The following TAS2R1 variants were observed in gnomAD, a reference collection of about 807,000 sequenced individuals.
TAS2R1 encodes taste receptor type 2 member 1.
For synonymous variants in TAS2R1, 141 were observed against 134.2 expected (o/e 1.05, Z -0.35); for missense variants, 370 against 353.4 (o/e 1.05, Z -0.38).
At chr5:9,860,160 A>T in the TAS2R1 span, among the ~76,000 whole-genome samples, 1 of 152,318 alleles carries the variant, frequency 6.6e-6, no homozygotes, top group East Asian at 1.9e-4. Context: ...AGAGACCATG[A>T]TCCAGTGGGC....
At chr5:9,903,416 G>A in the TAS2R1 span, 2 of 152,006 alleles carry the variant, frequency 1.3e-5, no homozygotes, top group East Asian at 1.9e-4. Flanking sequence ...AGATTCTGGT[G>A]CAGCCATCAC....
chr5:9,843,663 A>G, the TAS2R1 span, among the ~76,000 whole-genome samples: 6 of 152,350 alleles, frequency 3.9e-5, no homozygotes, highest in South Asian at 1.2e-3. Flanking sequence ...TTTTCAGGCT[A>G]TAGACTTAAT....
intron 1 of TAS2R1, among the ~76,000 whole-genome samples, chr5:9,667,843 G>A (rs935800646): frequency 1.4e-4 from 22 of 152,246 alleles, no homozygotes; most frequent in African/African-American, 5.1e-4. Context: ...ACCAATGCAA[G>A]AATTATGGCA....
At chr5:9,888,880 T>A in the TAS2R1 span, among the ~76,000 whole-genome samples, 1 of 152,080 alleles carries the variant, frequency 6.6e-6, no homozygotes, top group Non-Finnish European at 1.5e-5. Context: ...ACAGATGGCA[T>A]CTTCCAGGAA....
At position 9,666,047 on chromosome 5, in the gene TAS2R1, A is replaced by G. The variant is rs1425389090; in HGVS notation, c.-241-6466T>C. ...CTAATCAATCAGGGAGTTGAACTGG[A>G]TTCAGGAAAGTTATATAACAAGAAC... On this transcript the variant is annotated intron_variant, in intron 1 of 2. Coordinates refer to the TAS2R1 transcript ENST00000506620. Among the ~76,000 whole-genome samples, 11 of 152,316 alleles carry G rather than the reference A, an allele frequency of 7.2e-5. No individual in the cohort carries two copies. In the South Asian group the frequency reaches 2.3e-3, roughly 32 times the overall value.
chr5:9,834,514 G>A, the TAS2R1 span, among the ~76,000 whole-genome samples: 79 of 152,192 alleles, frequency 5.2e-4, no homozygotes, highest in African/African-American at 1.7e-3. Context: ...AGTTATTTAC[G>A]CTAATGTGTT....
chr5:9,877,527 A>G, the TAS2R1 span, among the ~76,000 whole-genome samples: 1 of 152,228 alleles, frequency 6.6e-6, no homozygotes, highest in East Asian at 1.9e-4. Context: ...ACACACATGC[A>G]GTCTCCCAAT....
the TAS2R1 span, among the ~76,000 whole-genome samples, chr5:9,728,888 G>A: frequency 2.6e-5 from 4 of 152,264 alleles, no homozygotes; most frequent in African/African-American, 7.2e-5. Flanking sequence ...GAGGCCCGGC[G>A]CAGTTAGGAT....
the TAS2R1 span, among the ~76,000 whole-genome samples, chr5:9,814,136 T>C: frequency 2.0e-5 from 3 of 152,226 alleles, no homozygotes; most frequent in Non-Finnish European, 4.4e-5. Context: ...GCTCTGTCTT[T>C]TGCTGAGGTA....
At chr5:9,793,144 G>T in the TAS2R1 span, among the ~76,000 whole-genome samples, 5 of 152,096 alleles carry the variant, frequency 3.3e-5, no homozygotes, top group African/African-American at 1.2e-4. Context: ...TAAAATGGCA[G>T]GACTGGAAAA....
intron 1 of TAS2R1, among the ~76,000 whole-genome samples, chr5:9,707,828 T>C (rs1416608339): frequency 6.6e-6 from 1 of 152,134 alleles, no homozygotes; most frequent in Non-Finnish European, 1.5e-5. Flanking sequence ...GGCTAACTAC[T>C]GTGCAGGAGC....
At chr5:9,811,700 C>T in the TAS2R1 span, among the ~76,000 whole-genome samples, 4 of 152,154 alleles carry the variant, frequency 2.6e-5, no homozygotes, top group Admixed American at 2.6e-4. Flanking sequence ...ATTCTGATCA[C>T]TCCAAATTGA....
chr5:9,887,678 G>T, the TAS2R1 span, among the ~76,000 whole-genome samples: 19 of 152,268 alleles, frequency 1.2e-4, no homozygotes, highest in South Asian at 3.3e-3. Flanking sequence ...TTGTTACCAG[G>T]CTGCCACTAA....
At chr5:9,741,913 T>C in the TAS2R1 span, among the ~76,000 whole-genome samples, 1 of 152,100 alleles carries the variant, frequency 6.6e-6, no homozygotes, top group Non-Finnish European at 1.5e-5. Flanking sequence ...TTTTAATACA[T>C]AGATGGAGTT....
At chr5:9,689,576 G>T (rs1741194772) in intron 1 of TAS2R1, among the ~76,000 whole-genome samples, 3 of 151,754 alleles carry the variant, frequency 2.0e-5, no homozygotes, top group Non-Finnish European at 2.9e-5. Flanking sequence ...CATTATTTTT[G>T]CTCCTTGGAC....
At chr5:9,769,861 G>C in the TAS2R1 span, among the ~76,000 whole-genome samples, 73 of 151,790 alleles carry the variant, frequency 4.8e-4, no homozygotes, top group Non-Finnish European at 7.9e-4. Flanking sequence ...CCATTCTATG[G>C]ATTATCTCTT....
At chr5:9,733,554 A>G in the TAS2R1 span, among the ~76,000 whole-genome samples, 1 of 152,234 alleles carries the variant, frequency 6.6e-6, no homozygotes, top group Non-Finnish European at 1.5e-5. Context: ...AAGAGGTATC[A>G]CTGGGGAAAA....
At chr5:9,719,241 T>A in the TAS2R1 span, among the ~76,000 whole-genome samples, 4 of 151,928 alleles carry the variant, frequency 2.6e-5, no homozygotes, top group East Asian at 5.8e-4. Flanking sequence ...AAATTGTGTA[T>A]GTGTGTGTGT....
chr5:9,746,588 A>G, the TAS2R1 span, among the ~76,000 whole-genome samples: 4 of 152,234 alleles, frequency 2.6e-5, no homozygotes, highest in Non-Finnish European at 4.4e-5. Flanking sequence ...GTGCAGCCAT[A>G]AAAAAGAATG....
Sources: gnomAD v4.1 joint callset for allele counts (sites outside exome capture counted in the v4.1 genomes callset) on GRCh38, gnomAD v4.1.1 for gene constraint, MANE v1.5 for transcripts, NCBI Gene and HGNC (gene_info 2026-07-23, HGNC 2026-07-21) for gene names.